Variants in MSRA observed in about 807,000 individuals in gnomAD.
MSRA encodes the protein methionine sulfoxide reductase A.
MSRA carries 54 observed loss-of-function variants against 31.3 expected under a neutral mutation model. The observed-to-expected ratio is 1.73, with a 90% CI of 1.39 to 2.17. MSRA has a LOEUF of 2.17. Among genes scored for constraint, MSRA ranks in the 30% most tolerant of loss-of-function variants. The pLI is 0.00. For missense variants in MSRA, 507 were observed against 300.9 expected, an observed-to-expected ratio of 1.69 and a Z score of -5.07; for synonymous variants, 169 against 116.5, an observed-to-expected ratio of 1.45 and a Z score of -2.90.
intron 2 of MSRA, among the ~76,000 whole-genome samples, chr8:10,215,963 C>G (rs1723454602): frequency 1.3e-5 from 2 of 152,106 alleles, no homozygotes; most frequent in Admixed American, 1.3e-4. Context: ...CAAATATTTT[C>G]TATTACTTCT....
At chr8:10,138,274 G>T (rs901593998) in intron 1 of MSRA, among the ~76,000 whole-genome samples, 1 of 152,172 alleles carries the variant, frequency 6.6e-6, no homozygotes, top group Non-Finnish European at 1.5e-5. Flanking sequence ...CAATAAAGGT[G>T]CTATCTAAAG....
intron 1 of MSRA, among the ~76,000 whole-genome samples, chr8:10,161,429 T>C (rs1434907849): frequency 6.6e-6 from 1 of 152,174 alleles, no homozygotes; most frequent in Non-Finnish European, 1.5e-5. Flanking sequence ...ATTTACCCTG[T>C]GCAAAGGCCC....
rs906925717 is a variant in MSRA at position 10,100,675 on chromosome 8, T to C, written c.142+46017T>C. 1.2e-4 allele frequency among the ~76,000 whole-genome samples: 19 copies of C among 152,256 alleles called. No individual in the cohort carries two copies. In the East Asian group the frequency reaches 3.7e-3, roughly 29 times the overall value. ...TGAAACTCATCAGATTCTGAATAATTGTACCACCTCTGCAAAGCTCGACTT... is the reference window on the plus strand; with the variant it reads ...TGAAACTCATCAGATTCTGAATAATCGTACCACCTCTGCAAAGCTCGACTT... On this transcript the variant is annotated intron_variant, in intron 1 of 5. Coordinates refer to ENST00000317173, the MANE Select transcript of MSRA (RefSeq NM_012331.5).
intron 5 of MSRA, among the ~76,000 whole-genome samples, chr8:10,363,360 G>C (rs17151824): frequency 2.6e-5 from 4 of 151,972 alleles, no homozygotes; most frequent in Non-Finnish European, 5.9e-5. Context: ...GTGACTCACA[G>C]GGCCAACCTG....
chr8:10,251,412 G>C (rs573208216), intron 3 of MSRA, among the ~76,000 whole-genome samples: 1 of 152,096 alleles, frequency 6.6e-6, no homozygotes, highest in African/African-American at 2.4e-5. Flanking sequence ...CAGTCTTATT[G>C]TACTCATTTC....
intron 5 of MSRA, among the ~76,000 whole-genome samples, chr8:10,331,912 G>A (rs1802724598): frequency 6.6e-6 from 1 of 152,134 alleles, no homozygotes; most frequent in Non-Finnish European, 1.5e-5. Flanking sequence ...ATTTTGATCT[G>A]TGGTTGGATG....
chr8:10,195,173 G>A (rs907960831), intron 1 of MSRA, among the ~76,000 whole-genome samples: 3 of 152,304 alleles, frequency 2.0e-5, no homozygotes, highest in African/African-American at 4.8e-5. Flanking sequence ...GTCTTTGTCC[G>A]TGAGCAAAGC....
At position 10,074,822 on chromosome 8, in the gene MSRA, C is replaced by G. The variant is rs932453762; in HGVS notation, c.142+20164C>G. 5.3e-5 allele frequency among the ~76,000 whole-genome samples: 8 copies of G among 152,068 alleles called. No individual in the cohort carries two copies. The East Asian group carries it at 1.2e-3, about 22-fold the overall frequency. On this transcript the variant is annotated intron_variant, in intron 1 of 5. Transcript: ENST00000317173. ...TACAGGCACCTACCACCATGCCTGG[C>G]TAATTTTTAGAGATTACCCAGAGAC...
intron 1 of MSRA, among the ~76,000 whole-genome samples, chr8:10,078,325 A>G (rs1221646431): frequency 1.3e-5 from 2 of 152,180 alleles, no homozygotes; most frequent in African/African-American, 2.4e-5. Flanking sequence ...CTGAAACGTG[A>G]GAGAGGTGTG....
At chr8:10,257,118 C>T (rs1437755975) in intron 3 of MSRA, among the ~76,000 whole-genome samples, 2 of 152,058 alleles carry the variant, frequency 1.3e-5, no homozygotes, top group Admixed American at 1.3e-4. Context: ...GGTTAGTGCT[C>T]GTAGACAAAC....
intron 1 of MSRA, among the ~76,000 whole-genome samples, chr8:10,090,079 G>T (rs1241363685): frequency 6.6e-6 from 1 of 152,318 alleles, no homozygotes; most frequent in Admixed American, 6.5e-5. Flanking sequence ...GAAAAGGGCT[G>T]TGTGTGCCTG....
At chr8:10,185,384 T>C (rs2628134) in intron 1 of MSRA, among the ~76,000 whole-genome samples, 1 of 152,096 alleles carries the variant, frequency 6.6e-6, no homozygotes, top group Non-Finnish European at 1.5e-5. Context: ...CTAAGCATTG[T>C]GGGTAGGGGC....
At chr8:10,250,231 C>G (rs1361072504) in intron 3 of MSRA, among the ~76,000 whole-genome samples, 1 of 152,174 alleles carries the variant, frequency 6.6e-6, no homozygotes, top group Non-Finnish European at 1.5e-5. Flanking sequence ...TTCCTGAATA[C>G]TCTGATAGAG....
chr8:10,162,293 G>A (rs1195201968), intron 1 of MSRA, among the ~76,000 whole-genome samples: 1 of 152,126 alleles, frequency 6.6e-6, no homozygotes, highest in Non-Finnish European at 1.5e-5. Flanking sequence ...AATGGGATTG[G>A]TGGCCTTATA....
At chr8:10,095,818 C>A (rs937614607) in intron 1 of MSRA, 2 of 1,239,578 alleles carry the variant, frequency 1.6e-6, no homozygotes, top group Non-Finnish European at 2.0e-6. Context: ...GAAATAAAAG[C>A]CTTTTTCAAA....
chr8:10,171,197 G>C (rs558678467), intron 1 of MSRA, among the ~76,000 whole-genome samples: 2 of 152,206 alleles, frequency 1.3e-5, no homozygotes, highest in African/African-American at 2.4e-5. Flanking sequence ...ATGTAGTCTG[G>C]TTAGAATGCT....
At position 10,217,252 on chromosome 8, in the gene MSRA, G is replaced by C. The variant is rs140113841; in HGVS notation, c.211+9351G>C. On this transcript the variant is annotated intron_variant, in intron 2 of 5. Coordinates refer to ENST00000317173, the MANE Select transcript of MSRA (RefSeq NM_012331.5). Reference sequence around the variant, plus strand: ...CACTATATGTACTACAAGGCATTTAGGCAGCACTGCTGATGGCACCCTAGG... The same window carrying C: ...CACTATATGTACTACAAGGCATTTACGCAGCACTGCTGATGGCACCCTAGG... Among the ~76,000 whole-genome samples, 23 of 152,284 alleles carry C rather than the reference G, an allele frequency of 1.5e-4. 1 individual carries two copies. The highest frequency in any genetic ancestry group is 4.1e-4 in the African/African-American group (17 of 41,560).
intron 2 of MSRA, among the ~76,000 whole-genome samples, chr8:10,226,133 C>T (rs1810979023): frequency 6.6e-6 from 1 of 152,186 alleles, no homozygotes; most frequent in Non-Finnish European, 1.5e-5. Flanking sequence ...TTCTTCACCC[C>T]ATTTCTACAG....
At chr8:10,154,807 G>A (rs1804009726) in intron 1 of MSRA, among the ~76,000 whole-genome samples, 1 of 151,932 alleles carries the variant, frequency 6.6e-6, no homozygotes, top group Non-Finnish European at 1.5e-5. Context: ...AAAATCACAT[G>A]TATATTGAAA....
Sources: gnomAD v4.1 joint callset for allele counts (sites outside exome capture counted in the v4.1 genomes callset) on GRCh38, gnomAD v4.1.1 for gene constraint, MANE v1.5 for transcripts, NCBI Gene and HGNC (gene_info 2026-07-23, HGNC 2026-07-21) for gene names.